The following ZMYND12 variants were observed in gnomAD, a reference collection of about 807,000 sequenced individuals.
The protein encoded by ZMYND12 is zinc finger MYND-type containing 12, also known as zinc finger MYND domain-containing protein 12.
ZMYND12 carries 32 observed loss-of-function variants against 41.7 expected under a neutral mutation model. The ratio of observed to expected loss-of-function variants is 0.77; its 90% CI spans 0.58 to 1.03. ZMYND12 has a LOEUF of 1.03. Ranked by LOEUF, ZMYND12 falls within the 50% of genes least tolerant of loss-of-function variation. ZMYND12 has a pLI of 0.00. For missense variants in ZMYND12, 424 were observed against 438.5 expected (o/e 0.97, Z 0.30); for synonymous variants, 148 against 164.8 (o/e 0.90, Z 0.78).
At chr1:42,449,895 T>A (rs199837637) in intron 2 of ZMYND12, 23 bp downstream of exon 2, 11 of 1,607,296 alleles carry the variant, frequency 6.8e-6, no homozygotes, top group African/African-American at 1.3e-5. Context: ...CGACTTAACC[T>A]TGGAAAGTGC....
intron 6 of ZMYND12, 28 bp from the exon 7 acceptor site, chr1:42,433,316 A>C (rs761363258): frequency 1.3e-6 from 2 of 1,586,014 alleles, no homozygotes; most frequent in Non-Finnish European, 1.7e-6. Flanking sequence ...GAAAGAAAAA[A>C]CAGGCTCTTG....
At chr1:42,447,843 A>C (rs1023212172) in intron 3 of ZMYND12, among the ~76,000 whole-genome samples, 2 of 152,044 alleles carry the variant, frequency 1.3e-5, no homozygotes, top group African/African-American at 4.8e-5. Context: ...ATACTCTCAG[A>C]ATTGCCTCTC....
intron 3 of ZMYND12, among the ~76,000 whole-genome samples, chr1:42,444,625 G>A (rs1643003278): frequency 6.6e-6 from 1 of 152,042 alleles, no homozygotes; most frequent in Non-Finnish European, 1.5e-5. Context: ...TATCTTTTTA[G>A]TACCTTCTCT....
chr1:42,435,558 TAAGTGTGAC>T, intron 5 of ZMYND12, 173 bp from the exon 6 acceptor site: 2 of 549,410 alleles, frequency 3.6e-6, no homozygotes, highest in Non-Finnish European at 6.6e-6. Flanking sequence ...CTGGCCAAGG[TAAGTGTGAC>T]AAGTGATGGG....
chr1:42,433,005 G>T, intron 7 of ZMYND12, 138 bp downstream of exon 7: 7 of 1,059,698 alleles, frequency 6.6e-6, no homozygotes, highest in Non-Finnish European at 9.7e-6. Flanking sequence ...GAAACATCGT[G>T]AGCATCTGAA....
chr1:42,445,269 C>T (rs369613387), intron 3 of ZMYND12, among the ~76,000 whole-genome samples: 2 of 151,680 alleles, frequency 1.3e-5, no homozygotes, highest in South Asian at 4.2e-4. Context: ...CCTATCTCTA[C>T]TAAAACTACA....
rs75844684 is a variant in ZMYND12 at position 42,444,619 on chromosome 1, T to G, written c.424+3848A>C. ...AGGTTTCAGGTACTGTGAAATTATC[T>G]TTTTAGTACCTTCTCTGTGCTAAGT... is the stretch of plus-strand genomic sequence containing the variant. On this transcript the variant is annotated intron_variant, in intron 3 of 7. Coordinates refer to ENST00000372565, the MANE Select transcript of ZMYND12 (RefSeq NM_032257.5). Among the ~76,000 whole-genome samples, 1,384 of 152,210 alleles carry G rather than the reference T, an allele frequency of 9.1e-3. 24 individuals carry two copies. Among genetic ancestry groups the G allele is most frequent in the African/African-American group, 0.032 (1,318 of 41,532 alleles).
intron 1 of ZMYND12, among the ~76,000 whole-genome samples, chr1:42,450,861 T>C (rs1241216635): frequency 6.6e-6 from 1 of 152,216 alleles, no homozygotes; most frequent in African/African-American, 2.4e-5. Context: ...GTTAAGAGTG[T>C]GTTATTTCTA....
At chr1:42,432,824 A>G in intron 7 of ZMYND12, 1 of 259,942 alleles carries the variant, frequency 3.8e-6, no homozygotes. Context: ...GGAACTCAGT[A>G]ACTGAGTGGA....
At chr1:42,452,307 A>T (rs1643091124) in intron 1 of ZMYND12, among the ~76,000 whole-genome samples, 1 of 152,226 alleles carries the variant, frequency 6.6e-6, no homozygotes, top group Non-Finnish European at 1.5e-5. Flanking sequence ...ATTTGTAGTG[A>T]ATTACAGAAT....
chr1:42,450,445 A>G (rs1643071887), intron 1 of ZMYND12, among the ~76,000 whole-genome samples: 1 of 152,142 alleles, frequency 6.6e-6, no homozygotes, highest in Non-Finnish European at 1.5e-5. Context: ...AACCTAGCTA[A>G]AGGTTTGTCA....
chr1:42,432,954 A>G, intron 7 of ZMYND12, 189 bp downstream of exon 7: 1 of 646,256 alleles, frequency 1.5e-6, no homozygotes, highest in Non-Finnish European at 2.5e-6. Context: ...GGGGAAGAAG[A>G]CAATCCAATT....
At chr1:42,442,908 A>T (rs1180241721) in intron 3 of ZMYND12, among the ~76,000 whole-genome samples, 1 of 152,228 alleles carries the variant, frequency 6.6e-6, no homozygotes, top group Admixed American at 6.5e-5. Flanking sequence ...ATCCTGGCTC[A>T]TGTGAACATG....
chr1:42,435,170 G>A (rs1212266337), intron 6 of ZMYND12, 104 bp downstream of exon 6: 1 of 838,604 alleles, frequency 1.2e-6, no homozygotes, highest in African/African-American at 1.7e-5. Flanking sequence ...GGTGGCAATG[G>A]TGTGCTTCAT....
chr1:42,435,695 G>A (rs1007205363), intron 5 of ZMYND12, among the ~76,000 whole-genome samples: 2 of 152,184 alleles, frequency 1.3e-5, no homozygotes, highest in African/African-American at 4.8e-5. Context: ...ACATCCTGAT[G>A]TAATATTCTT....
intron 1 of ZMYND12, among the ~76,000 whole-genome samples, chr1:42,452,677 T>A (rs1643094798): frequency 6.6e-6 from 1 of 152,156 alleles, no homozygotes; most frequent in Admixed American, 6.5e-5. Context: ...CGCTCCAGCC[T>A]GGGTGACAGA....
intron 7 of ZMYND12, among the ~76,000 whole-genome samples, chr1:42,431,107 T>G (rs1276140182): frequency 6.6e-6 from 1 of 152,214 alleles, no homozygotes; most frequent in Non-Finnish European, 1.5e-5. Context: ...TATACCTTCT[T>G]AACAAAGTGA....
intron 7 of ZMYND12, 145 bp downstream of exon 7, chr1:42,432,998 A>C: frequency 1.0e-6 from 1 of 963,162 alleles, no homozygotes; most frequent in South Asian, 1.6e-5. Context: ...CACAGGAGAA[A>C]CATCGTGAGC....
chr1:42,441,562 T>G (rs1020179443), intron 3 of ZMYND12, among the ~76,000 whole-genome samples: 2 of 152,234 alleles, frequency 1.3e-5, no homozygotes, highest in Non-Finnish European at 1.5e-5. Flanking sequence ...TTTGTCTTTT[T>G]TGTTTACATT....
Sources: allele counts gnomAD v4.1 joint callset (sites outside exome capture counted in the v4.1 genomes callset), GRCh38; gene constraint gnomAD v4.1.1; transcripts MANE v1.5; gene names NCBI Gene and HGNC (gene_info 2026-07-23, HGNC 2026-07-21).